The following GUCY1A2 variants were observed in gnomAD, a reference collection of about 807,000 sequenced individuals.
GUCY1A2 encodes the protein guanylate cyclase soluble subunit alpha-2.
GUCY1A2 carries 27 observed loss-of-function variants against 63.5 expected under a neutral mutation model. The observed-to-expected ratio is 0.43, with a 90% CI of 0.31 to 0.59. The LOEUF (loss-of-function observed/expected upper bound fraction) is 0.59. Ranked by LOEUF, GUCY1A2 falls within the 20% of genes least tolerant of loss-of-function variation. The probability of loss-of-function intolerance (pLI) is 0.11; values close to 1 mark genes in which losing one functional copy is unlikely to be tolerated. For missense variants in GUCY1A2, 768 were observed against 913.3 expected, an observed-to-expected ratio of 0.84 and a Z score of 2.05; for synonymous variants, 364 against 343.5, an observed-to-expected ratio of 1.06 and a Z score of -0.66.
At chr11:106,979,479 G>T (rs945523064) in intron 2 of GUCY1A2, among the ~76,000 whole-genome samples, 23 of 146,454 alleles carry the variant, frequency 1.6e-4, no homozygotes, top group Admixed American at 1.4e-3. Context: ...AAAAAAAGAA[G>T]AAGATAGCAG....
rs562735262 is a variant in GUCY1A2 at position 106,995,089 on chromosome 11, G to A, written c.304-8958C>T. Among the ~76,000 whole-genome samples the A allele has an allele frequency of 4.7e-4, 72 of 152,258 alleles. 1 individual carries two copies. The highest frequency in any genetic ancestry group is 7.6e-4 in the Non-Finnish European group (52 of 68,012). On this transcript the variant is annotated intron_variant, in intron 1 of 7. Coordinates refer to ENST00000526355, the MANE Select transcript of GUCY1A2 (RefSeq NM_000855.3). ...GTATAGCAAAAGCCTTTTGGTAGAC[G>A]TGGCTTCCATCTTAAAGCCCAAAAC...
At chr11:106,988,472 T>A (rs1267194595) in intron 1 of GUCY1A2, among the ~76,000 whole-genome samples, 1 of 152,110 alleles carries the variant, frequency 6.6e-6, no homozygotes, top group Non-Finnish European at 1.5e-5. Flanking sequence ...AAAAGGACAT[T>A]TTTTTTTCTG....
intron 5 of GUCY1A2, among the ~76,000 whole-genome samples, chr11:106,797,101 C>A (rs1160069720): frequency 6.6e-6 from 1 of 152,084 alleles, no homozygotes; most frequent in Non-Finnish European, 1.5e-5. Flanking sequence ...TCACATAGTT[C>A]TCGTGCCATG....
chr11:106,810,544 T>C (rs1858749825), intron 4 of GUCY1A2, 66 bp from the exon 5 acceptor site: 1 of 1,314,260 alleles, frequency 7.6e-7, no homozygotes, highest in African/African-American at 1.5e-5. Flanking sequence ...ATTTAATATA[T>C]TATCTGATGA....
At chr11:106,695,250 G>A (rs922469234) in intron 7 of GUCY1A2, among the ~76,000 whole-genome samples, 1 of 152,142 alleles carries the variant, frequency 6.6e-6, no homozygotes, top group Non-Finnish European at 1.5e-5. Context: ...ACGGTGGCAA[G>A]TGTGTACCTG....
intron 4 of GUCY1A2, among the ~76,000 whole-genome samples, chr11:106,902,299 G>C (rs140986230): frequency 1.4e-4 from 22 of 152,262 alleles, no homozygotes; most frequent in African/African-American, 3.1e-4. Flanking sequence ...TGTCATCAAG[G>C]CTTTGTTGTT....
chr11:106,759,922 C>T (rs964028292), intron 6 of GUCY1A2, among the ~76,000 whole-genome samples: 6 of 152,030 alleles, frequency 3.9e-5, no homozygotes, highest in Admixed American at 6.6e-5. Context: ...GTGACAAGAG[C>T]GAAACTCTGT....
chr11:106,681,438 T>C lies in GUCY1A2; in HGVS notation c.*6111A>G, dbSNP rs147971840. The C allele has an allele frequency of 1.1e-3, 240 of 223,252 alleles. No individual in the cohort carries two copies. The highest frequency in any genetic ancestry group is 4.6e-3 in the African/African-American group (206 of 44,918). 13.8% of individuals were successfully genotyped at this position (223,252 alleles called of 1,614,324 possible). A position where few individuals can be genotyped will look rare whatever the true frequency, so the allele number is the denominator to read the frequency against. ...CCTTAACTTCTTCCTTACTATTATATACTACAAAGATCCAAAAATTGGGCA... is the reference window on the plus strand; with the variant it reads ...CCTTAACTTCTTCCTTACTATTATACACTACAAAGATCCAAAAATTGGGCA... On this transcript the variant is annotated 3_prime_UTR_variant, in exon 8 of 8. Coordinates refer to ENST00000526355, the MANE Select transcript of GUCY1A2 (RefSeq NM_000855.3).
chr11:106,795,529 C>T (rs1864741763), intron 5 of GUCY1A2, among the ~76,000 whole-genome samples: 1 of 152,184 alleles, frequency 6.6e-6, no homozygotes, highest in Non-Finnish European at 1.5e-5. Flanking sequence ...GACTCCAACA[C>T]ATGTGCACCT....
intron 5 of GUCY1A2, among the ~76,000 whole-genome samples, chr11:106,809,175 A>G (rs879840764): frequency 6.6e-6 from 1 of 152,134 alleles, no homozygotes; most frequent in Non-Finnish European, 1.5e-5. Flanking sequence ...GCTGGTCAAT[A>G]TGTATTAGTA....
At chr11:106,962,041 A>G (rs190522557) in intron 3 of GUCY1A2, among the ~76,000 whole-genome samples, 1 of 152,366 alleles carries the variant, frequency 6.6e-6, no homozygotes, top group Non-Finnish European at 1.5e-5. Flanking sequence ...TAAGTCCAAT[A>G]AAGTTCCTAT....
At chr11:106,750,460 C>T (rs1001923499) in intron 6 of GUCY1A2, among the ~76,000 whole-genome samples, 3 of 152,056 alleles carry the variant, frequency 2.0e-5, no homozygotes, top group Non-Finnish European at 2.9e-5. Flanking sequence ...ATCAAGTTGA[C>T]ACCTAATATT....
chr11:106,981,069 A>G (rs554988117), intron 2 of GUCY1A2, among the ~76,000 whole-genome samples: 5 of 152,384 alleles, frequency 3.3e-5, no homozygotes, highest in South Asian at 2.1e-4. Flanking sequence ...TAAGCAATCA[A>G]GAGATATTAG....
chr11:106,981,740 C>CA (rs112728854), intron 2 of GUCY1A2, among the ~76,000 whole-genome samples: 7,206 of 128,556 alleles, frequency 0.056, 201 homozygotes, highest in African/African-American at 0.1. Flanking sequence ...AAATTTCAGT[C>CA]AAAAAAAAAA....
intron 1 of GUCY1A2, among the ~76,000 whole-genome samples, chr11:107,015,797 A>T (rs1861815517): frequency 6.6e-6 from 1 of 152,160 alleles, no homozygotes; most frequent in Non-Finnish European, 1.5e-5. Context: ...GCAACATCAA[A>T]TAGTTTATAA....
intron 3 of GUCY1A2, among the ~76,000 whole-genome samples, chr11:106,944,700 A>G (rs1172369590): frequency 1.3e-5 from 2 of 152,216 alleles, no homozygotes; most frequent in Non-Finnish European, 2.9e-5. Context: ...AATAAATTTT[A>G]ACAATGAGAA....
chr11:106,727,682 C>T (rs534515101), intron 6 of GUCY1A2, among the ~76,000 whole-genome samples: 14 of 152,128 alleles, frequency 9.2e-5, no homozygotes, highest in African/African-American at 3.4e-4. Flanking sequence ...AAAGGAAAAA[C>T]AACTTATATT....
chr11:106,775,586 A>T (rs1328564937), intron 6 of GUCY1A2, among the ~76,000 whole-genome samples: 1 of 152,042 alleles, frequency 6.6e-6, no homozygotes, highest in Non-Finnish European at 1.5e-5. Context: ...AATATATTTA[A>T]CCCAATATTT....
chr11:106,706,508 T>C (rs1276251062), intron 7 of GUCY1A2, among the ~76,000 whole-genome samples: 1 of 150,340 alleles, frequency 6.7e-6, no homozygotes, highest in African/African-American at 2.5e-5. Context: ...AAACTCTGAG[T>C]CACCACCAAA....
Sources: allele counts gnomAD v4.1 joint callset (sites outside exome capture counted in the v4.1 genomes callset), GRCh38; gene constraint gnomAD v4.1.1; transcripts MANE v1.5; gene names NCBI Gene and HGNC (gene_info 2026-07-23, HGNC 2026-07-21).